Variants in JMJD1C observed in about 807,000 individuals in gnomAD.
JMJD1C encodes jumonji domain-containing protein 1C.
In JMJD1C, 31 loss-of-function variants were observed where a neutral mutation model predicts 245.3. The observed-to-expected ratio is 0.13, with a 90% CI of 0.09 to 0.17. The LOEUF is 0.17. JMJD1C is among the 10% of genes least tolerant of loss of function. The probability of loss-of-function intolerance (pLI) is 1.00; values close to 1 mark genes in which losing one functional copy is unlikely to be tolerated. For missense variants in JMJD1C, 2,691 were observed against 3,000.2 expected, an observed-to-expected ratio of 0.90 and a Z score of 2.41; for synonymous variants, 1,057 against 1,017.4, an observed-to-expected ratio of 1.04 and a Z score of -0.74.
intron 13 of JMJD1C, 51 bp downstream of exon 13, chr10:63,197,360 C>T: frequency 6.8e-7 from 1 of 1,468,166 alleles, no homozygotes; most frequent in Non-Finnish European, 9.3e-7. Flanking sequence ...GAAGAGTGAT[C>T]CTAAAGAAAA....
intron 3 of JMJD1C, among the ~76,000 whole-genome samples, chr10:63,253,655 G>A (rs1466620171): frequency 6.6e-6 from 1 of 152,002 alleles, no homozygotes; most frequent in African/African-American, 2.4e-5. Context: ...CCAAGTGCTG[G>A]GATTACAGGC....
intron 2 of JMJD1C, among the ~76,000 whole-genome samples, chr10:63,267,964 A>G (rs556446976): frequency 6.6e-6 from 1 of 152,254 alleles, no homozygotes; most frequent in African/African-American, 2.4e-5. Context: ...AAACATTTTT[A>G]AAATAAATCA....
At chr10:63,249,381 C>A (rs1852725237) in intron 3 of JMJD1C, among the ~76,000 whole-genome samples, 1 of 151,922 alleles carries the variant, frequency 6.6e-6, no homozygotes, top group African/African-American at 2.4e-5. Flanking sequence ...TTGGTGGTTA[C>A]CAGAGACCTG....
intron 1 of JMJD1C, among the ~76,000 whole-genome samples, chr10:63,413,829 A>G (rs1376834666): frequency 6.6e-6 from 1 of 152,166 alleles, no homozygotes; most frequent in East Asian, 1.9e-4. Flanking sequence ...CAAAATTGCT[A>G]ACACTGAAAA....
chr10:63,396,008 C>T (rs976690246), intron 1 of JMJD1C, among the ~76,000 whole-genome samples: 1 of 151,766 alleles, frequency 6.6e-6, no homozygotes, highest in African/African-American at 2.4e-5. Context: ...TCTTAATCGT[C>T]GAAATGGTTA....
At chr10:63,454,133 C>T (rs1363843788) in intron 1 of JMJD1C, among the ~76,000 whole-genome samples, 1 of 152,164 alleles carries the variant, frequency 6.6e-6, no homozygotes, top group African/African-American at 2.4e-5. Context: ...AATTGAATAG[C>T]CACATCTACA....
intron 22 of JMJD1C, among the ~76,000 whole-genome samples, chr10:63,178,765 G>T (rs779152092): frequency 1.2e-4 from 19 of 152,080 alleles, no homozygotes; most frequent in South Asian, 4.1e-4. Context: ...ATTCCTACAC[G>T]TATGTATGTA....
Position 63,239,476 on chromosome 10 carries a change from G to A in JMJD1C, c.448-19493C>T, listed in dbSNP as rs79984896. Among the ~76,000 whole-genome samples, 1,402 of 151,944 alleles carry A rather than the reference G, an allele frequency of 9.2e-3. 18 individuals are homozygous for A. Among genetic ancestry groups the A allele is most frequent in the African/African-American group, 0.031 (1,283 of 41,438 alleles). ...ATTTTTTTTTTGAGACTTGCGTCTC[G>A]CTCTGTCACCCAGGCTGGAGTGCTG... is the stretch of plus-strand genomic sequence containing the variant. On this transcript the variant is annotated intron_variant, in intron 3 of 25. Coordinates refer to ENST00000399262, the MANE Select transcript of JMJD1C (RefSeq NM_032776.3).
chr10:63,397,915 A>G (rs993875847), intron 1 of JMJD1C, among the ~76,000 whole-genome samples: 4 of 152,222 alleles, frequency 2.6e-5, no homozygotes, highest in Admixed American at 6.5e-5. Flanking sequence ...TTATTCAGCA[A>G]TTTAGTCTCT....
intron 2 of JMJD1C, among the ~76,000 whole-genome samples, chr10:63,312,045 T>C (rs1407814428): frequency 2.0e-5 from 3 of 150,466 alleles, no homozygotes; most frequent in African/African-American, 4.9e-5. Context: ...AAATTCTTCA[T>C]AGTAAGTAAT....
rs999730147 is a variant in JMJD1C at position 63,310,503 on chromosome 10, T to C, written c.334-45739A>G. Among the ~76,000 whole-genome samples the C allele has an allele frequency of 2.6e-5, 4 of 152,196 alleles. No homozygotes were observed. In the East Asian group the frequency reaches 5.8e-4, roughly 22 times the overall value. ...TAAAAGAAGATGCTACTTAAAGAGG[T>C]GGTGTTAGATTACTGTGAAGGATGG... On this transcript the variant is annotated intron_variant, in intron 2 of 25. Transcript: ENST00000399262.
At chr10:63,184,518 G>T in intron 21 of JMJD1C, 90 bp downstream of exon 21, 1 of 1,101,240 alleles carries the variant, frequency 9.1e-7, no homozygotes, top group Non-Finnish European at 1.3e-6. Flanking sequence ...TGCTGGGATT[G>T]CAGGCGTGAG....
chr10:63,427,888 G>C (rs1950532795), intron 1 of JMJD1C: 1 of 767,106 alleles, frequency 1.3e-6, no homozygotes, highest in South Asian at 1.4e-5. Context: ...GGCAGCTACA[G>C]AGAAGGCAAG....
chr10:63,521,636 G>T, intron 1 of JMJD1C: 1 of 1,286,566 alleles, frequency 7.8e-7, no homozygotes, highest in Non-Finnish European at 1.0e-6. Flanking sequence ...CTGTGGGAAG[G>T]GGAAGGAGCC....
intron 1 of JMJD1C, among the ~76,000 whole-genome samples, chr10:63,419,788 C>A (rs889215046): frequency 2.7e-5 from 4 of 147,980 alleles, no homozygotes; most frequent in South Asian, 2.2e-4. Flanking sequence ...CAGACAATCC[C>A]TATCACCAGG....
chr10:63,482,896 G>A (rs1207219990), intron 1 of JMJD1C, among the ~76,000 whole-genome samples: 1 of 152,196 alleles, frequency 6.6e-6, no homozygotes, highest in Non-Finnish European at 1.5e-5. Flanking sequence ...AGAAAGGTCA[G>A]TAACAGCCCG....
intron 1 of JMJD1C, among the ~76,000 whole-genome samples, chr10:63,505,081 G>A (rs1168308478): frequency 6.6e-6 from 1 of 152,184 alleles, no homozygotes; most frequent in Non-Finnish European, 1.5e-5. Context: ...GGGAGGCCTA[G>A]GCAGGCGGAT....
intron 2 of JMJD1C, among the ~76,000 whole-genome samples, chr10:63,340,070 T>TAAAC (rs773362844): frequency 1.3e-5 from 2 of 150,664 alleles, no homozygotes; most frequent in Non-Finnish European, 3.0e-5. Flanking sequence ...AATAAATAAA[T>TAAAC]AATAAGTAAA....
chr10:63,250,334 T>C (rs894332387), intron 3 of JMJD1C, among the ~76,000 whole-genome samples: 1 of 152,136 alleles, frequency 6.6e-6, no homozygotes, highest in Non-Finnish European at 1.5e-5. Context: ...TTTTTAAATA[T>C]AAATACAGAT....
Sources: allele counts gnomAD v4.1 joint callset (sites outside exome capture counted in the v4.1 genomes callset), GRCh38; gene constraint gnomAD v4.1.1; transcripts MANE v1.5; gene names NCBI Gene and HGNC (gene_info 2026-07-23, HGNC 2026-07-21).